ADGRL3: variants seen among roughly 807,000 people sequenced by gnomAD.
ADGRL3 encodes the protein adhesion G protein-coupled receptor L3, also known as calcium-independent alpha-latrotoxin receptor 3.
In ADGRL3, 62 loss-of-function variants were observed where a neutral mutation model predicts 153.5. The ratio of observed to expected loss-of-function variants is 0.40; its 90% confidence interval spans 0.33 to 0.50. The LOEUF (loss-of-function observed/expected upper bound fraction) is 0.50, where lower values mean the gene tolerates loss of function less well. ADGRL3 is among the 20% of genes least tolerant of loss of function. ADGRL3 has a pLI of 0.47. For missense variants in ADGRL3, 1,641 were observed against 1,859.4 expected (o/e 0.88, Z 2.16); for synonymous variants, 710 against 672.5 (o/e 1.06, Z -0.86).
chr4:61,311,556 T>C (rs551367920), intron 1 of ADGRL3, among the ~76,000 whole-genome samples: 1 of 152,306 alleles, frequency 6.6e-6, no homozygotes, highest in African/African-American at 2.4e-5. Context: ...ACCCATGCTT[T>C]TGCCCTCAGT....
chr4:61,800,657 T>C (rs959375248), intron 8 of ADGRL3, among the ~76,000 whole-genome samples: 2 of 152,224 alleles, frequency 1.3e-5, no homozygotes, highest in Non-Finnish European at 2.9e-5. Flanking sequence ...AGATACTTGT[T>C]AGACATTTCT....
chr4:61,208,307 T>C (rs2148808175), intron 1 of ADGRL3, among the ~76,000 whole-genome samples: 1 of 152,310 alleles, frequency 6.6e-6, no homozygotes, highest in South Asian at 2.1e-4. Context: ...TGCTTTAATT[T>C]CCTGGTATTT....
chr4:61,541,725 C>T (rs933144457), intron 4 of ADGRL3, among the ~76,000 whole-genome samples: 1 of 152,058 alleles, frequency 6.6e-6, no homozygotes, highest in South Asian at 2.1e-4. Context: ...CCAGTGTTCC[C>T]TTGTGGCTCT....
chr4:61,384,611 C>A (rs999197912), intron 2 of ADGRL3, among the ~76,000 whole-genome samples: 8 of 151,524 alleles, frequency 5.3e-5, no homozygotes, highest in African/African-American at 1.7e-4. Flanking sequence ...TAAAATTAAC[C>A]CTTCTAGATA....
At chr4:61,875,933 C>T (rs531382014) in intron 9 of ADGRL3, among the ~76,000 whole-genome samples, 1 of 152,182 alleles carries the variant, frequency 6.6e-6, no homozygotes, top group South Asian at 2.1e-4. Flanking sequence ...CGCCTATAAT[C>T]CCAGCACTTT....
intron 2 of ADGRL3, among the ~76,000 whole-genome samples, chr4:61,414,764 A>C (rs1226382030): frequency 1.3e-5 from 2 of 151,862 alleles, no homozygotes; most frequent in African/African-American, 2.4e-5. Flanking sequence ...ATAAGTTGTT[A>C]TATATTACCA....
intron 8 of ADGRL3, among the ~76,000 whole-genome samples, chr4:61,804,820 G>T (rs2097535777): frequency 1.3e-5 from 2 of 152,126 alleles, no homozygotes; most frequent in South Asian, 4.1e-4. Context: ...TCAAATTCAG[G>T]CTACTACATT....
At chr4:61,370,404 T>C (rs906972563) in intron 1 of ADGRL3, among the ~76,000 whole-genome samples, 57 of 151,892 alleles carry the variant, frequency 3.8e-4, no homozygotes, top group African/African-American at 1.3e-3. Context: ...GCTTTGAATG[T>C]GTCCCAGAGA....
chr4:61,688,832 A>G (rs2095491523), intron 6 of ADGRL3, among the ~76,000 whole-genome samples: 1 of 152,180 alleles, frequency 6.6e-6, no homozygotes, highest in African/African-American at 2.4e-5. Flanking sequence ...TCTGAACCAC[A>G]CAGAGCTAAT....
chr4:61,581,730 A>T (rs1448556394), intron 4 of ADGRL3, among the ~76,000 whole-genome samples: 1 of 152,038 alleles, frequency 6.6e-6, no homozygotes, highest in African/African-American at 2.4e-5. Context: ...TTCCTACCAA[A>T]TCTGGCTCAT....
At chr4:61,748,352 A>G (rs2152018345) in intron 8 of ADGRL3, among the ~76,000 whole-genome samples, 1 of 152,256 alleles carries the variant, frequency 6.6e-6, no homozygotes, top group South Asian at 2.1e-4. Flanking sequence ...GAACTGGAAA[A>G]AAACTACTTT....
At chr4:61,951,323 A>G (rs576056746) in intron 17 of ADGRL3, among the ~76,000 whole-genome samples, 54 of 152,262 alleles carry the variant, frequency 3.5e-4, no homozygotes, top group African/African-American at 1.3e-3. Context: ...TGGCAGTGTC[A>G]GGGGAGCCGA....
intron 25 of ADGRL3, among the ~76,000 whole-genome samples, chr4:62,065,175 G>C (rs543457744): frequency 6.6e-6 from 1 of 152,008 alleles, no homozygotes; most frequent in South Asian, 2.1e-4. Flanking sequence ...GAGCAAAGAA[G>C]AGCAAAGCAT....
intron 2 of ADGRL3, among the ~76,000 whole-genome samples, chr4:61,406,563 G>A (rs1474445351): frequency 6.6e-6 from 1 of 151,466 alleles, no homozygotes. Flanking sequence ...AAAAAACTAA[G>A]TGGGATGTTA....
chr4:61,290,129 A>G (rs1464984165), intron 1 of ADGRL3, among the ~76,000 whole-genome samples: 1 of 152,074 alleles, frequency 6.6e-6, no homozygotes. Flanking sequence ...ATAGGTACAG[A>G]AAGCTTTGAA....
intron 1 of ADGRL3, among the ~76,000 whole-genome samples, chr4:61,266,099 T>G (rs2092828474): frequency 6.6e-6 from 1 of 151,868 alleles, no homozygotes; most frequent in Non-Finnish European, 1.5e-5. Flanking sequence ...ACCTACTGAT[T>G]AAATTTTTTT....
intron 4 of ADGRL3, among the ~76,000 whole-genome samples, chr4:61,529,458 A>G (rs533830259): frequency 6.6e-6 from 1 of 152,298 alleles, no homozygotes; most frequent in African/African-American, 2.4e-5. Flanking sequence ...AATCCTTAAT[A>G]GTGTCTTCTT....
At chr4:61,670,295 AATAT>A (rs967921922) in intron 5 of ADGRL3, among the ~76,000 whole-genome samples, 12 of 151,416 alleles carry the variant, frequency 7.9e-5, no homozygotes, top group Non-Finnish European at 4.4e-5. Flanking sequence ...TTCTCTCAAA[AATAT>A]ATATATATAT....
intron 8 of ADGRL3, among the ~76,000 whole-genome samples, chr4:61,742,453 T>G (rs2096593560): frequency 6.6e-6 from 1 of 151,956 alleles, no homozygotes; most frequent in South Asian, 2.1e-4. Context: ...TAATTTTTTT[T>G]GTATTTTTAG....
Sources: gnomAD v4.1 joint callset for allele counts (sites outside exome capture counted in the v4.1 genomes callset) on GRCh38, gnomAD v4.1.1 for gene constraint, MANE v1.5 for transcripts, NCBI Gene and HGNC (gene_info 2026-07-23, HGNC 2026-07-21) for gene names.